The following STX18 variants were observed in gnomAD, a reference collection of about 807,000 sequenced individuals.
STX18 encodes syntaxin-18.
Under a neutral mutation model 50.1 loss-of-function variants are expected in STX18, and 40 were observed. That is an observed-to-expected ratio of 0.80 (90% confidence interval 0.62 to 1.04). The LOEUF (loss-of-function observed/expected upper bound fraction) is 1.04. STX18 is among the 50% of genes least tolerant of loss of function. The probability of loss-of-function intolerance (pLI) is 0.00; values close to 1 mark genes in which losing one functional copy is unlikely to be tolerated. For synonymous variants in STX18, 158 were observed against 151.8 expected, an observed-to-expected ratio of 1.04 and a Z score of -0.30; for missense variants, 410 against 415.8, an observed-to-expected ratio of 0.99 and a Z score of 0.12.
At chr4:4,467,516 G>A (rs762566258) in intron 2 of STX18, among the ~76,000 whole-genome samples, 1 of 152,160 alleles carries the variant, frequency 6.6e-6, no homozygotes, top group African/African-American at 2.4e-5. Context: ...TGTGTGGTGG[G>A]CAAGGGCAAG....
intron 2 of STX18, among the ~76,000 whole-genome samples, chr4:4,469,725 T>C (rs1727816753): frequency 6.6e-6 from 1 of 152,090 alleles, no homozygotes; most frequent in Non-Finnish European, 1.5e-5. Flanking sequence ...CATTCATGAT[T>C]CCCAGCTATT....
intron 1 of STX18, among the ~76,000 whole-genome samples, chr4:4,505,546 G>C (rs148816038): frequency 6.6e-6 from 1 of 152,162 alleles, no homozygotes; most frequent in South Asian, 2.1e-4. Flanking sequence ...CTGGGAGGCC[G>C]AGGCAGGCGG....
chr4:4,464,987 T>C (rs2108826937), intron 2 of STX18, among the ~76,000 whole-genome samples: 2 of 152,274 alleles, frequency 1.3e-5, no homozygotes, highest in South Asian at 2.1e-4. Flanking sequence ...TTGGGGTTTG[T>C]TTGCTCTTGG....
intron 1 of STX18, among the ~76,000 whole-genome samples, chr4:4,509,495 C>T (rs1279218780): frequency 1.3e-5 from 2 of 152,062 alleles, no homozygotes; most frequent in Non-Finnish European, 2.9e-5. Flanking sequence ...AATTTTCACC[C>T]ATTCTTGTGA....
At chr4:4,530,408 T>A (rs1030822695) in intron 1 of STX18, among the ~76,000 whole-genome samples, 9 of 151,298 alleles carry the variant, frequency 5.9e-5, no homozygotes, top group African/African-American at 2.2e-4. Flanking sequence ...TATATAATTC[T>A]CATGTCATGA....
At chr4:4,507,048 T>C in intron 1 of STX18, 1 of 463,438 alleles carries the variant, frequency 2.2e-6, no homozygotes, top group South Asian at 1.6e-5. Context: ...AAAGCAGCTC[T>C]TCCTAAGCCA....
At position 4,464,550 on chromosome 4, in the gene STX18, G is replaced by GT. The variant is rs548686564; in HGVS notation, c.237-5064dup. On this transcript the variant is annotated intron_variant, in intron 2 of 10. Coordinates refer to ENST00000306200, the MANE Select transcript of STX18 (RefSeq NM_016930.4). ...CCTTCTTGCTTTACCTAGGTAACTC[G>GT]TACTCCTTCAGAGCTCAGCTCAAAT... Among the ~76,000 whole-genome samples the GT allele has an allele frequency of 7.6e-4, 115 of 152,144 alleles. 3 individuals are homozygous for GT. The South Asian group carries it at 0.022, about 29-fold the overall frequency.
intron 5 of STX18, among the ~76,000 whole-genome samples, chr4:4,454,168 T>C (rs1392766223): frequency 2.0e-5 from 3 of 152,214 alleles, no homozygotes; most frequent in Non-Finnish European, 4.4e-5. Context: ...AAATCACATG[T>C]ACGTTTTAGG....
At position 4,420,423 on chromosome 4, in the gene STX18, G is replaced by C. The variant is rs1364528933; in HGVS notation, c.913-294C>G. ...GGCCCCGAGCAGAGTGTGACCGCAA[G>C]CTTTGTGTTTCCCAGTAACATGATG... On this transcript the variant is annotated intron_variant, in intron 10 of 10. Coordinates refer to ENST00000306200, the MANE Select transcript of STX18 (RefSeq NM_016930.4). This position sits in a 1 kb window ranked among gnomAD's most constrained non-coding sequence, Gnocchi z 4.3. 17 of 433,166 alleles carry C rather than the reference G, an allele frequency of 3.9e-5. No individual in the cohort carries two copies. In the East Asian group the frequency reaches 7.5e-4, roughly 19 times the overall value. The allele number at this position is 433,166 out of a possible 1,614,324, so 26.8% of individuals were successfully genotyped here.
intron 1 of STX18, among the ~76,000 whole-genome samples, chr4:4,488,162 C>A (rs1008376470): frequency 6.6e-6 from 1 of 152,090 alleles, no homozygotes. Flanking sequence ...CTCCTCCTCT[C>A]GTGAGGTGAA....
At chr4:4,459,301 C>T (rs1414781810) in intron 3 of STX18, 71 bp downstream of exon 3, 3 of 1,071,070 alleles carry the variant, frequency 2.8e-6, no homozygotes, top group African/African-American at 1.6e-5. Flanking sequence ...TAACTGGCCG[C>T]ACCATATGCA....
intron 1 of STX18, among the ~76,000 whole-genome samples, chr4:4,533,790 T>C (rs187258057): frequency 3.3e-5 from 5 of 152,288 alleles, no homozygotes; most frequent in Admixed American, 1.3e-4. Context: ...CACATAATAA[T>C]TGGTCAACTG....
chr4:4,436,935 T>A (rs1034384230), intron 6 of STX18, among the ~76,000 whole-genome samples: 1 of 150,934 alleles, frequency 6.6e-6, no homozygotes, highest in Admixed American at 6.6e-5. Flanking sequence ...TTTTATTTTT[T>A]CAGGTCCAGA....
intron 5 of STX18, among the ~76,000 whole-genome samples, chr4:4,456,125 T>A (rs1293250787): frequency 6.6e-6 from 1 of 151,362 alleles, no homozygotes; most frequent in Non-Finnish European, 1.5e-5. Flanking sequence ...AAAATAAAAT[T>A]AAAAAATAGG....
chr4:4,541,797 C>A lies in STX18; in HGVS notation c.168G>T (p.Val56=). Residue 56 remains valine (V), a splice_region_variant and synonymous_variant, in exon 1 of 11, where the codon GTG becomes GTT. Transcript: ENST00000306200. ...KGDFSSRARE[V]ISHIGKLRDF... is the part of the protein sequence containing the mutation. ...GCCGTTTCCATAGCAACCAGCTCAC[C>A]ACTTCGCGGGCCCGGCTGGAGAAGT... 1 of 1,607,146 alleles carries A rather than the reference C, an allele frequency of 6.2e-7. No homozygotes were observed. The highest frequency in any genetic ancestry group is 8.5e-7 in the Non-Finnish European group (1 of 1,176,686).
intron 1 of STX18, among the ~76,000 whole-genome samples, chr4:4,535,775 T>A (rs551788022): frequency 6.6e-6 from 1 of 152,212 alleles, no homozygotes; most frequent in African/African-American, 2.4e-5. Context: ...TTTGGCCCTA[T>A]CTCCTGTCCT....
At chr4:4,505,006 A>G (rs1057240095) in intron 1 of STX18, among the ~76,000 whole-genome samples, 1 of 152,202 alleles carries the variant, frequency 6.6e-6, no homozygotes, top group Non-Finnish European at 1.5e-5. Flanking sequence ...TTGTGCAATC[A>G]TATTTCCACA....
chr4:4,471,804 A>C, intron 1 of STX18, 98 bp from the exon 2 acceptor site: 1 of 888,592 alleles, frequency 1.1e-6, no homozygotes, highest in African/African-American at 1.7e-5. Context: ...TTGCAGAAAG[A>C]TTCTGAAGCT....
At chr4:4,469,162 G>T (rs1431526106) in intron 2 of STX18, among the ~76,000 whole-genome samples, 1 of 152,188 alleles carries the variant, frequency 6.6e-6, no homozygotes, top group African/African-American at 2.4e-5. Context: ...CATATGGTTG[G>T]CGCAGAGTAA....
Sources: gnomAD v4.1 joint callset for allele counts (sites outside exome capture counted in the v4.1 genomes callset) on GRCh38, gnomAD v4.1.1 for gene constraint, Gnocchi (gnomAD v3.1) non-coding constraint, MANE v1.5 for transcripts, NCBI Gene and HGNC (gene_info 2026-07-23, HGNC 2026-07-21) for gene names.